MATN3: variants seen among roughly 807,000 people sequenced by gnomAD.
The protein encoded by MATN3 is matrilin-3.
In MATN3, 48 loss-of-function variants were observed where a neutral mutation model predicts 45.3. That is an observed-to-expected ratio of 1.06 (90% CI 0.84 to 1.35). The LOEUF is 1.35. Among genes scored for constraint, MATN3 ranks in the 40% most tolerant of loss-of-function variants. The pLI is 0.00. For missense variants in MATN3, 599 were observed against 628.0 expected (o/e 0.95, Z 0.49); for synonymous variants, 217 against 245.9 (o/e 0.88, Z 1.10).
In MATN3 at chr2:20,001,832, A is replaced by G. The variant is rs1215273471; in HGVS notation, c.1042+123T>C. 1.0e-5 allele frequency: 9 copies of G among 900,678 alleles called. No individual in the cohort carries two copies. The Middle Eastern group carries it at 1.6e-3, about 161-fold the overall frequency. The allele number at this position is 900,678 out of a possible 1,614,324, so 55.8% of individuals were successfully genotyped here. A position where few individuals can be genotyped will look rare whatever the true frequency, so the allele number is the denominator to read the frequency against. On this transcript the variant is annotated intron_variant, in intron 4 of 7. Transcript: ENST00000407540. ...TTTTGGATAAGACTTAAAAATGGGAAAAGCTCAAGGTGGCAAGAGAGGAAA... is the reference window on the plus strand; with the variant it reads ...TTTTGGATAAGACTTAAAAATGGGAGAAGCTCAAGGTGGCAAGAGAGGAAA...
chr2:19,996,006 C>T (rs1033428379), intron 6 of MATN3, among the ~76,000 whole-genome samples: 3 of 152,178 alleles, frequency 2.0e-5, no homozygotes, highest in African/African-American at 7.2e-5. Flanking sequence ...TCCCTGTACC[C>T]ATAAGATGGG....
chr2:20,005,788 C>G lies in MATN3; in HGVS notation c.746G>C (p.Gly249Ala). ...TCTAGAGGAAAGTTTCTCAATGACCCCATAGGTCTCCACGTAGAAAACATG... is the reference window on the plus strand; with the variant it reads ...TCTAGAGGAAAGTTTCTCAATGACCGCATAGGTCTCCACGTAGAAAACATG... ...EEHVFYVETY[G>A]VIEKLSSRFQ... Residue 249 changes from glycine to alanine, a missense_variant, in exon 2 of 8, where the codon GGG becomes GCG. Gly to Ala is a moderately conservative substitution (Grantham distance 60). Coordinates refer to ENST00000407540, the MANE Select transcript of MATN3 (RefSeq NM_002381.5). The G allele has an allele frequency of 6.2e-7, 1 of 1,611,068 alleles. No homozygotes were observed. The highest frequency in any genetic ancestry group is 8.5e-7 in the Non-Finnish European group (1 of 1,178,622).
intron 2 of MATN3, among the ~76,000 whole-genome samples, chr2:20,004,523 C>T (rs540731681): frequency 4.0e-4 from 61 of 152,254 alleles, no homozygotes; most frequent in African/African-American, 1.4e-3. Context: ...TGTCCTGGGA[C>T]AGGAAAGACA....
rs1466431193 is a variant in MATN3, at chr2:19,992,129, CTTTTA to C, written c.*977_*981del. ...ACATGATAATATGTAAAGGTAATAA[CTTTTA>C]TTATATTAAAGACAATGCAAACGAA... On this transcript the variant is annotated 3_prime_UTR_variant, in exon 8 of 8. Coordinates refer to ENST00000407540, the MANE Select transcript of MATN3 (RefSeq NM_002381.5). The C allele has an allele frequency of 1.3e-5, 2 of 152,046 alleles. No individual in the cohort carries two copies. The highest frequency in any genetic ancestry group is 2.4e-5 in the African/African-American group (1 of 41,414). The allele number at this position is 152,046 out of a possible 1,614,324, so 9.4% of individuals were successfully genotyped here.
chr2:20,006,876 C>G (rs1673116873), intron 1 of MATN3, among the ~76,000 whole-genome samples: 1 of 152,184 alleles, frequency 6.6e-6, no homozygotes. Flanking sequence ...CTCCATCTGG[C>G]CATCTTTCCT....
chr2:20,003,747 C>CA (rs1673037830), intron 2 of MATN3, among the ~76,000 whole-genome samples: 1 of 152,232 alleles, frequency 6.6e-6, no homozygotes, highest in Non-Finnish European at 1.5e-5. Flanking sequence ...ACAGAATTCT[C>CA]ACACAAGTCT....
intron 2 of MATN3, among the ~76,000 whole-genome samples, chr2:20,004,683 AT>A (rs1673062398): frequency 6.6e-6 from 1 of 152,208 alleles, no homozygotes; most frequent in Non-Finnish European, 1.5e-5. Context: ...GTAATTAATT[AT>A]TGGTTCATTT....
In MATN3 at chr2:19,997,230, C is replaced by A; in HGVS notation, c.1198G>T (p.Gly400Cys). 1 of 1,613,506 alleles carries A rather than the reference C, an allele frequency of 6.2e-7. No individual in the cohort carries two copies. Among genetic ancestry groups the A allele is most frequent in the Non-Finnish European group, 8.5e-7 (1 of 1,179,668 alleles). Reference protein sequence around the residue: ...VRDKCALGSHGCQHICVSDGA... With the variant: ...VRDKCALGSHCCQHICVSDGA... ...TCACTCACACAAATGTGCTGGCAAC[C>A]ATGAGAGCCTAGGGCACACTTGTCA... Residue 400 changes from glycine (G) to cysteine (C), a missense_variant, in exon 6 of 8, where the codon GGT (glycine) becomes TGT (cysteine). Transcript: ENST00000407540.
chr2:20,012,391 C>G lies in MATN3; in HGVS notation c.223+18G>C. On this transcript the variant is annotated intron_variant, in intron 1 of 7. Transcript: ENST00000407540. This position sits in a 1 kb window ranked among gnomAD's most constrained non-coding sequence, Gnocchi z 4.3. The stretch of plus-strand genomic sequence containing the variant: ...CCTCGTTCGATGCTCACGCGTCCCT[C>G]CCGCCGCCCGCCTGTACCTGCACCG... 8.1e-7 allele frequency: 1 copy of G among 1,228,092 alleles called. No individual in the cohort carries two copies. The highest frequency in any genetic ancestry group is 3.2e-5 in the East Asian group (1 of 31,564). The allele number at this position is 1,228,092 out of a possible 1,614,324, so 76.1% of individuals were successfully genotyped here. A position where few individuals can be genotyped will look rare whatever the true frequency, so the allele number is the denominator to read the frequency against.
intron 3 of MATN3, among the ~76,000 whole-genome samples, chr2:20,002,325 ATTAAG>A (rs929212525): frequency 2.0e-5 from 3 of 152,176 alleles, no homozygotes; most frequent in Admixed American, 2.0e-4. Context: ...TATCTATAAA[ATTAAG>A]TTATCTCTAA....
At chr2:20,009,660 T>A (rs1673178811) in intron 1 of MATN3, among the ~76,000 whole-genome samples, 2 of 152,142 alleles carry the variant, frequency 1.3e-5, no homozygotes, top group Admixed American at 6.5e-5. Context: ...AATAATTTTT[T>A]AAAAAGATCT....
Position 20,012,421 on chromosome 2 carries a change from C to CGCG in MATN3, c.208_210dup (p.Arg70dup). On this transcript the variant is annotated inframe_insertion, in exon 1 of 8. Transcript: ENST00000407540. This position sits in a 1 kb window ranked among gnomAD's most constrained non-coding sequence, Gnocchi z 4.3. ...CGCCCGCCTGTACCTGCACCGCGGG[C>CGCG]GCGGCCAGGCTCGCTGGTCCCGGAA... is the stretch of plus-strand genomic sequence containing the variant. 1 of 1,229,324 alleles carries CGCG rather than the reference C, an allele frequency of 8.1e-7. No individual in the cohort carries two copies. The highest frequency in any genetic ancestry group is 3.2e-5 in the East Asian group (1 of 31,572). The allele number at this position is 1,229,324 out of a possible 1,614,324, so 76.2% of individuals were successfully genotyped here.
At position 19,997,114 on chromosome 2, in the gene MATN3, C is replaced by G; in HGVS notation, c.1294+20G>C. The G allele has an allele frequency of 6.2e-7, 1 of 1,611,818 alleles. No homozygotes were observed. Among genetic ancestry groups the G allele is most frequent in the Non-Finnish European group, 8.5e-7 (1 of 1,179,078 alleles). ...AAATTTTCCTACCAAAGGAAATAGC[C>G]TTAAAGGGCTGATCCTCACCTGAAC... is the stretch of plus-strand genomic sequence containing the variant. On this transcript the variant is annotated intron_variant, in intron 6 of 7. Transcript: ENST00000407540.
At chr2:19,999,891 CA>C (rs1672952177) in intron 5 of MATN3, among the ~76,000 whole-genome samples, 1 of 152,100 alleles carries the variant, frequency 6.6e-6, no homozygotes, top group African/African-American at 2.4e-5. Flanking sequence ...GCTCATTGGC[CA>C]ACGTATAAGG....
chr2:20,003,305 AAC>A lies in MATN3; in HGVS notation c.791-21_791-20del. 6.2e-7 allele frequency: 1 copy of A among 1,600,682 alleles called. No individual in the cohort carries two copies. On this transcript the variant is annotated intron_variant, in intron 2 of 7. Coordinates refer to ENST00000407540, the MANE Select transcript of MATN3 (RefSeq NM_002381.5). ...TCCAGCGCTGTGAGAGGAAGTTTAC[AAC>A]AGTCAGCACTGACACTTAGGAAACA...
Position 20,005,970 on chromosome 2 carries a change from A to G in MATN3, c.564T>C (p.Pro188=). 1 of 1,613,924 alleles carries G rather than the reference A, an allele frequency of 6.2e-7. No homozygotes were observed. ...CATCTGTAACAATGATGGCCACCTT[A>G]GGGATGTTAGAAGAGGGCTCTCGAG... ...AGAREPSSNI[P]KVAIIVTDGR... Residue 188 remains proline (P), a synonymous_variant, in exon 2 of 8, where the codon CCT becomes CCC. Coordinates refer to ENST00000407540, the MANE Select transcript of MATN3 (RefSeq NM_002381.5).
rs1219775428 is a variant in MATN3, at chr2:19,995,631, C to G, written c.1295-1222G>C. 6.6e-6 allele frequency among the ~76,000 whole-genome samples: 1 copy of G among 152,150 alleles called. No homozygotes were observed. Among genetic ancestry groups the G allele is most frequent in the Non-Finnish European group, 1.5e-5 (1 of 68,034 alleles). ...CAAATATGAGAGGTGATAAAAGTAA[C>G]TCCTATTTCTTTATGGAATTCAGTC... On this transcript the variant is annotated intron_variant, in intron 6 of 7. Coordinates refer to ENST00000407540, the MANE Select transcript of MATN3 (RefSeq NM_002381.5). This position sits in a 1 kb window ranked among gnomAD's most constrained non-coding sequence, Gnocchi z 4.2.
chr2:19,994,523 AT>A (rs1380994522), intron 6 of MATN3, 114 bp from the exon 7 acceptor site: 2 of 649,316 alleles, frequency 3.1e-6, no homozygotes, highest in Non-Finnish European at 5.3e-6. Flanking sequence ...ACCTAAGTGC[AT>A]TTTCCAAGAG....
chr2:20,006,437 C>T (rs1035383152), intron 1 of MATN3, 127 bp from the exon 2 acceptor site: 5 of 665,178 alleles, frequency 7.5e-6, no homozygotes, highest in South Asian at 4.1e-5. Flanking sequence ...CCACTGCCTG[C>T]GACCTTCCCC....
Sources: gnomAD v4.1 joint callset for allele counts (sites outside exome capture counted in the v4.1 genomes callset) on GRCh38, gnomAD v4.1.1 for gene constraint, Gnocchi (gnomAD v3.1) non-coding constraint, MANE v1.5 for transcripts, NCBI Gene and HGNC (gene_info 2026-07-23, HGNC 2026-07-21) for gene names.